The following DAB1 variants were observed in gnomAD, a reference collection of about 807,000 sequenced individuals.
DAB1 encodes the protein disabled homolog 1.
A neutral mutation model predicts 64.6 loss-of-function variants in DAB1; 15 were observed. That is an observed-to-expected ratio of 0.23 (90% CI 0.16 to 0.36). The LOEUF (loss-of-function observed/expected upper bound fraction) is 0.36. Ranked by LOEUF, DAB1 falls within the 10% of genes least tolerant of loss-of-function variation. The probability of loss-of-function intolerance (pLI) is 1.00; values close to 1 mark genes in which losing one functional copy is unlikely to be tolerated. For synonymous variants in DAB1, 235 were observed against 251.9 expected, an observed-to-expected ratio of 0.93 and a Z score of 0.64; for missense variants, 596 against 706.7, an observed-to-expected ratio of 0.84 and a Z score of 1.78.
rs186030586 is a variant in DAB1 at position 57,977,526 on chromosome 1, C to T, written n.388-93364G>A. Among the ~76,000 whole-genome samples the T allele has an allele frequency of 3.4e-4, 51 of 152,230 alleles. No individual in the cohort carries two copies. In the Middle Eastern group the frequency reaches 0.01, roughly 30 times the overall value. The stretch of plus-strand genomic sequence containing the variant: ...CAACAAGACATCCAGGTTAAAATGC[C>T]GACTCTGCCACTTACTAATCAATAG... On this transcript the variant is annotated intron_variant and non_coding_transcript_variant, in intron 5 of 20. Coordinates refer to the DAB1 transcript ENST00000485760.
chr1:57,212,737 T>C (rs1666123520), intron 2 of DAB1, among the ~76,000 whole-genome samples: 1 of 152,184 alleles, frequency 6.6e-6, no homozygotes, highest in Non-Finnish European at 1.5e-5. Flanking sequence ...CAACTTCCTA[T>C]GAAATAGGTA....
chr1:58,349,610 A>G (rs974344561), intron 3 of DAB1, among the ~76,000 whole-genome samples: 3 of 151,498 alleles, frequency 2.0e-5, no homozygotes, highest in Non-Finnish European at 4.4e-5. Context: ...CCTCCCCTAG[A>G]CGCCCACCCC....
At chr1:58,196,588 G>A (rs373374451) in intron 4 of DAB1, among the ~76,000 whole-genome samples, 2 of 152,236 alleles carry the variant, frequency 1.3e-5, no homozygotes, top group Non-Finnish European at 2.9e-5. Flanking sequence ...AGACTTAATC[G>A]ACTCACAGTC....
At chr1:57,209,999 C>A (rs906334307) in intron 2 of DAB1, among the ~76,000 whole-genome samples, 3 of 152,210 alleles carry the variant, frequency 2.0e-5, no homozygotes, top group African/African-American at 7.2e-5. Context: ...AACTGTGTGA[C>A]CTTACTTAGC....
intron 3 of DAB1, among the ~76,000 whole-genome samples, chr1:58,423,050 C>G (rs552129798): frequency 5.3e-5 from 8 of 152,190 alleles, no homozygotes; most frequent in African/African-American, 1.9e-4. Flanking sequence ...GTTCCAATCC[C>G]CCTTCTCCAT....
At chr1:57,764,591 C>A (rs1569611851) in intron 6 of DAB1, among the ~76,000 whole-genome samples, 1 of 152,134 alleles carries the variant, frequency 6.6e-6, no homozygotes, top group Non-Finnish European at 1.5e-5. Flanking sequence ...GTCCTCCTAC[C>A]CTTCCCAGCC....
chr1:57,426,890 G>C (rs544077588), upstream of DAB1, among the ~76,000 whole-genome samples: 7 of 127,984 alleles, frequency 5.5e-5, no homozygotes, highest in East Asian at 1.2e-3. Context: ...TTGAGACAGC[G>C]TCTGGCTCTG....
At chr1:58,050,471 T>C (rs1647568992) in intron 5 of DAB1, among the ~76,000 whole-genome samples, 1 of 152,164 alleles carries the variant, frequency 6.6e-6, no homozygotes, top group East Asian at 1.9e-4. Context: ...AATTAATCAT[T>C]AATCTAAGGA....
chr1:58,106,606 G>A (rs201842877), intron 5 of DAB1, among the ~76,000 whole-genome samples: 3 of 152,164 alleles, frequency 2.0e-5, no homozygotes, highest in South Asian at 2.1e-4. Flanking sequence ...AGCTTTCAGC[G>A]ATAGGGTTGC....
At chr1:57,160,331 A>G (rs551891832) in intron 2 of DAB1, among the ~76,000 whole-genome samples, 1 of 152,222 alleles carries the variant, frequency 6.6e-6, no homozygotes, top group Admixed American at 6.5e-5. Context: ...ATCCCTTCTT[A>G]TAGTTGAGGA....
chr1:58,057,050 T>C (rs931263018), intron 5 of DAB1, among the ~76,000 whole-genome samples: 7 of 152,060 alleles, frequency 4.6e-5, no homozygotes, highest in African/African-American at 1.7e-4. Flanking sequence ...TATTTTCTAC[T>C]AGGACCCTAA....
At chr1:57,187,833 A>AAGAGAG (rs138251089) in intron 2 of DAB1, among the ~76,000 whole-genome samples, 1 of 150,138 alleles carries the variant, frequency 6.7e-6, no homozygotes, top group Admixed American at 6.6e-5. Flanking sequence ...GAGTCACTGA[A>AAGAGAG]AGAGAGAGAG....
chr1:58,500,551 A>G (rs1306522282), intron 3 of DAB1, among the ~76,000 whole-genome samples: 1 of 152,198 alleles, frequency 6.6e-6, no homozygotes, highest in African/African-American at 2.4e-5. Context: ...TGCAGCCACC[A>G]AGTGATTCTG....
chr1:58,432,533 C>G (rs1206311636), intron 3 of DAB1, among the ~76,000 whole-genome samples: 1 of 152,190 alleles, frequency 6.6e-6, no homozygotes, highest in Non-Finnish European at 1.5e-5. Context: ...CCCGCCAAGT[C>G]TGGAGCAGGG....
intron 2 of DAB1, among the ~76,000 whole-genome samples, chr1:57,151,308 G>T (rs1413333527): frequency 6.6e-6 from 1 of 152,100 alleles, no homozygotes; most frequent in African/African-American, 2.4e-5. Context: ...TTTATTGAGT[G>T]TCTACTATAT....
chr1:57,382,290 C>T (rs567912808), intron 1 of DAB1, among the ~76,000 whole-genome samples: 6 of 152,284 alleles, frequency 3.9e-5, no homozygotes, highest in East Asian at 1.9e-4. Context: ...GAGCCCCTGA[C>T]CAAGATACTT....
At chr1:57,027,000 G>A (rs1646809794) in intron 9 of DAB1, among the ~76,000 whole-genome samples, 1 of 152,190 alleles carries the variant, frequency 6.6e-6, no homozygotes, top group Non-Finnish European at 1.5e-5. Context: ...GATCTTAAGT[G>A]ATAGCTTCAA....
intron 4 of DAB1, among the ~76,000 whole-genome samples, chr1:57,107,185 A>G (rs1410755457): frequency 2.0e-5 from 3 of 151,788 alleles, no homozygotes; most frequent in African/African-American, 7.3e-5. Context: ...GACCAGCCTG[A>G]CCAACATGGT....
intron 5 of DAB1, among the ~76,000 whole-genome samples, chr1:58,091,943 C>A (rs1336895893): frequency 6.7e-6 from 1 of 149,936 alleles, no homozygotes; most frequent in Non-Finnish European, 1.5e-5. Context: ...TAAACACACA[C>A]ACACACACAC....
Sources: allele counts gnomAD v4.1 joint callset (sites outside exome capture counted in the v4.1 genomes callset), GRCh38; gene constraint gnomAD v4.1.1; transcripts MANE v1.5; gene names NCBI Gene and HGNC (gene_info 2026-07-23, HGNC 2026-07-21).